Variants in ATP2C1 observed in about 807,000 individuals in gnomAD.
ATP2C1 encodes ATPase secretory pathway Ca2+ transporting 1, also known as calcium-transporting ATPase type 2C member 1.
In ATP2C1, 31 loss-of-function variants were observed where a neutral mutation model predicts 120.5. That is an observed-to-expected ratio of 0.26 (90% CI 0.19 to 0.35). ATP2C1 has a LOEUF of 0.35. Among genes scored for constraint, ATP2C1 ranks in the 10% least tolerant of loss-of-function variants. The pLI, the probability that ATP2C1 is intolerant of heterozygous loss-of-function variation, is 1.00. For missense variants in ATP2C1, 731 were observed against 1,107.5 expected (o/e 0.66, Z 4.83); for synonymous variants, 351 against 358.7 (o/e 0.98, Z 0.24).
At chr3:130,920,261 A>T (rs2058891780) in intron 2 of ATP2C1, among the ~76,000 whole-genome samples, 1 of 152,234 alleles carries the variant, frequency 6.6e-6, no homozygotes, top group Non-Finnish European at 1.5e-5. Context: ...ATAATCGCCG[A>T]CACCAGTGTC....
intron 1 of ATP2C1, among the ~76,000 whole-genome samples, chr3:130,875,480 G>A (rs1022567788): frequency 6.6e-5 from 10 of 152,038 alleles, no homozygotes; most frequent in Non-Finnish European, 1.5e-4. Flanking sequence ...TAACTGAATC[G>A]TTTTCTATTG....
chr3:130,927,079 T>C (rs1361026187), intron 2 of ATP2C1, among the ~76,000 whole-genome samples: 1 of 152,166 alleles, frequency 6.6e-6, no homozygotes, highest in Non-Finnish European at 1.5e-5. Context: ...CCAGTGCTTT[T>C]AGTTTTGTAT....
In ATP2C1 at chr3:130,967,170, T is replaced by C. The variant is rs137896406; in HGVS notation, c.1148T>C (p.Phe383Ser). Residue 383 changes from phenylalanine (F) to serine (S), a missense_variant, in exon 15 of 28, where the codon TTT becomes TCT. Phe to Ser is a radical substitution (Grantham distance 155). Transcript: ENST00000510168. Reference protein sequence around the residue: ...AEVTGVGYNQFGEVIVDGDVV... With the variant: ...AEVTGVGYNQSGEVIVDGDVV... ...GTTACTGGAGTTGGCTATAATCAAT[T>C]TGGGGAAGTGATTGTTGATGGTGAT... The C allele has an allele frequency of 2.5e-6, 4 of 1,613,800 alleles. No individual in the cohort carries two copies. The South Asian group carries it at 3.3e-5, about 13-fold the overall frequency.
intron 1 of ATP2C1, among the ~76,000 whole-genome samples, chr3:130,884,511 A>G (rs776327445): frequency 1.3e-5 from 2 of 152,190 alleles, no homozygotes; most frequent in South Asian, 4.1e-4. Context: ...GTAAATATCT[A>G]TTAGGTCCAC....
intron 1 of ATP2C1, among the ~76,000 whole-genome samples, chr3:130,886,546 G>C (rs2068976730): frequency 6.6e-6 from 1 of 151,624 alleles, no homozygotes; most frequent in African/African-American, 2.4e-5. Context: ...TATTTCTTTT[G>C]TCTTCTCTGA....
chr3:131,009,145 A>C (rs1168517348), intron 26 of ATP2C1, among the ~76,000 whole-genome samples: 1 of 152,206 alleles, frequency 6.6e-6, no homozygotes, highest in Admixed American at 6.5e-5. Flanking sequence ...AATAAAGCTT[A>C]ATCTGAATAG....
downstream of ATP2C1, among the ~76,000 whole-genome samples, chr3:131,005,909 T>C (rs1406979320): frequency 6.6e-6 from 1 of 152,162 alleles, no homozygotes; most frequent in African/African-American, 2.4e-5. Context: ...AGCAATTTTT[T>C]TGATACATGT....
downstream of ATP2C1, among the ~76,000 whole-genome samples, chr3:131,007,509 C>G (rs140265921): frequency 5.4e-3 from 820 of 152,242 alleles, 9 homozygotes; most frequent in African/African-American, 0.018. Flanking sequence ...GAGTAGAAAC[C>G]ACATCTCATT....
intron 26 of ATP2C1, chr3:131,014,251 G>A (rs1219717460): frequency 3.1e-6 from 5 of 1,613,672 alleles, no homozygotes; most frequent in Middle Eastern, 3.3e-4. Flanking sequence ...ATTTCAGCGG[G>A]GGCATATGAC....
At chr3:130,939,193 A>G (rs567985088) in intron 6 of ATP2C1, among the ~76,000 whole-genome samples, 1 of 152,358 alleles carries the variant, frequency 6.6e-6, no homozygotes, top group African/African-American at 2.4e-5. Flanking sequence ...AACTTATCAT[A>G]ATGCTTTAAT....
intron 26 of ATP2C1, among the ~76,000 whole-genome samples, chr3:131,012,937 C>T (rs993809713): frequency 6.6e-6 from 1 of 152,110 alleles, no homozygotes; most frequent in African/African-American, 2.4e-5. Context: ...AATTGTTTAT[C>T]AGATATTAGG....
intron 17 of ATP2C1, 30 bp downstream of exon 17, chr3:130,969,426 C>G (rs755355573): frequency 6.4e-7 from 1 of 1,551,548 alleles, no homozygotes; most frequent in Admixed American, 1.7e-5. Flanking sequence ...ATACTTATTT[C>G]CTGTTTAGCT....
intron 1 of ATP2C1, among the ~76,000 whole-genome samples, chr3:130,854,533 G>A (rs1172686414): frequency 1.3e-5 from 2 of 152,242 alleles, no homozygotes; most frequent in Non-Finnish European, 2.9e-5. Context: ...AAGTACTAGA[G>A]ACTCAGCAGC....
At chr3:130,981,679 G>A (rs1300048657) in intron 20 of ATP2C1, among the ~76,000 whole-genome samples, 2 of 152,146 alleles carry the variant, frequency 1.3e-5, no homozygotes, top group Admixed American at 6.6e-5. Flanking sequence ...CCCACCAGCA[G>A]TGCCTGGAAC....
At chr3:130,995,658 T>C (rs1436043371) in intron 22 of ATP2C1, among the ~76,000 whole-genome samples, 7 of 152,242 alleles carry the variant, frequency 4.6e-5, no homozygotes, top group African/African-American at 1.7e-4. Flanking sequence ...TGTTTGTTTG[T>C]TTGAGTCAGT....
intron 1 of ATP2C1, among the ~76,000 whole-genome samples, chr3:130,870,420 G>T (rs1261226970): frequency 6.6e-6 from 1 of 152,198 alleles, no homozygotes; most frequent in South Asian, 2.1e-4. Context: ...AAACTTTCCA[G>T]AGAGGATTCA....
intron 2 of ATP2C1, among the ~76,000 whole-genome samples, chr3:130,907,083 C>T (rs1391396670): frequency 6.6e-6 from 1 of 150,932 alleles, no homozygotes. Context: ...TGTGTGTACA[C>T]ACACACACAC....
chr3:130,924,096 G>A lies in ATP2C1; in HGVS notation c.7-6320G>A, dbSNP rs149255272. Among the ~76,000 whole-genome samples, 117 of 150,762 alleles carry A rather than the reference G, an allele frequency of 7.8e-4. 1 individual carries two copies. Among genetic ancestry groups the A allele is most frequent in the African/African-American group, 2.6e-3 (106 of 41,024 alleles). On this transcript the variant is annotated intron_variant, in intron 2 of 27. Transcript: ENST00000510168. ...CGTGAGTATTTAGATGTGAGGTACT[G>A]TTGTTTTCATCATGCTAGTTGTTGC...
chr3:130,950,375 G>A (rs2060319876), intron 8 of ATP2C1, among the ~76,000 whole-genome samples: 1 of 152,058 alleles, frequency 6.6e-6, no homozygotes, highest in Admixed American at 6.6e-5. Context: ...TCATGGGGCT[G>A]CCTGATTCTT....
Sources: gnomAD v4.1 joint callset for allele counts (sites outside exome capture counted in the v4.1 genomes callset) on GRCh38, gnomAD v4.1.1 for gene constraint, MANE v1.5 for transcripts, NCBI Gene and HGNC (gene_info 2026-07-23, HGNC 2026-07-21) for gene names.